The following ZNF341 variants were observed in gnomAD, a reference collection of about 807,000 sequenced individuals.
The protein encoded by ZNF341 is zinc finger protein 341.
ZNF341 carries 52 observed loss-of-function variants against 87.7 expected under a neutral mutation model. That is an observed-to-expected ratio of 0.59 (90% confidence interval 0.47 to 0.75). The LOEUF (loss-of-function observed/expected upper bound fraction) is 0.75, where lower values mean the gene tolerates loss of function less well. Ranked by LOEUF, ZNF341 falls within the 30% of genes least tolerant of loss-of-function variation. The pLI, the probability that ZNF341 is intolerant of heterozygous loss-of-function variation, is 0.00. For missense variants in ZNF341, 977 were observed against 1,145.9 expected, an observed-to-expected ratio of 0.85 and a Z score of 2.13; for synonymous variants, 459 against 472.7, an observed-to-expected ratio of 0.97 and a Z score of 0.38.
At chr20:33,788,482 G>A (rs983101136) in intron 12 of ZNF341, 4 of 260,578 alleles carry the variant, frequency 1.5e-5, no homozygotes, top group East Asian at 9.6e-5. Context: ...CCTCCCATGC[G>A]GACCTGGCTG....
intron 9 of ZNF341, among the ~76,000 whole-genome samples, chr20:33,768,281 C>A (rs2019452403): frequency 6.9e-6 from 1 of 145,984 alleles, no homozygotes; most frequent in Non-Finnish European, 1.5e-5. Context: ...CCCCACCACA[C>A]CCAGCTAATT....
rs367894759 is a variant in ZNF341, at chr20:33,749,015, C to T, written c.432C>T (p.Ala144=). The change falls in exon 4 of 15, where the codon GCC becomes GCT. Residue 144 remains alanine, a synonymous_variant. Coordinates refer to ENST00000375200, the MANE Select transcript of ZNF341 (RefSeq NM_001282933.2). ...ILVSDDVLMS[A]MSAFTSLDQP... is the part of the protein sequence containing the mutation. Reference sequence around the variant, plus strand: ...TGAGCGATGATGTGCTCATGTCTGCCATGTCAGCCTTCACATCCCTGGACC... The same window carrying T: ...TGAGCGATGATGTGCTCATGTCTGCTATGTCAGCCTTCACATCCCTGGACC... 33 of 1,614,080 alleles carry T rather than the reference C, an allele frequency of 2.0e-5. No individual in the cohort carries two copies. Among genetic ancestry groups the T allele is most frequent in the East Asian group, 2.0e-4 (9 of 44,890 alleles).
chr20:33,789,735 G>A (rs1031322677), intron 14 of ZNF341, 147 bp downstream of exon 14: 74 of 855,672 alleles, frequency 8.6e-5, no homozygotes, highest in Non-Finnish European at 1.3e-4. Context: ...ACTTATGTGG[G>A]CTATGAGCCA....
At chr20:33,738,027 C>T (rs528642238) in intron 1 of ZNF341, among the ~76,000 whole-genome samples, 16 of 151,702 alleles carry the variant, frequency 1.1e-4, no homozygotes, top group Non-Finnish European at 1.3e-4. Flanking sequence ...ATCCCAGCTA[C>T]TCGGGAGGCT....
At chr20:33,758,665 C>A in intron 6 of ZNF341, 51 bp from the exon 7 acceptor site, 1 of 1,486,462 alleles carries the variant, frequency 6.7e-7, no homozygotes, top group Non-Finnish European at 9.3e-7. Flanking sequence ...CCCTTGGTGC[C>A]CTGAGCTGCA....
At chr20:33,764,572 T>TATATATATACACA (rs2019366466) in intron 8 of ZNF341, among the ~76,000 whole-genome samples, 1 of 97,650 alleles carries the variant, frequency 1.0e-5, no homozygotes, top group East Asian at 3.8e-4. Context: ...TTTTTTTTTT[T>TATATATATACACA]TTTTTTTTTT....
In ZNF341 at chr20:33,783,873, C is replaced by G. The variant is rs773767643; in HGVS notation, c.1852+9C>G. 6.2e-7 allele frequency: 1 copy of G among 1,611,296 alleles called. No individual in the cohort carries two copies. Among genetic ancestry groups the G allele is most frequent in the Non-Finnish European group, 8.5e-7 (1 of 1,178,604 alleles). On this transcript the variant is annotated intron_variant, in intron 12 of 14. Coordinates refer to ENST00000375200, the MANE Select transcript of ZNF341 (RefSeq NM_001282933.2). ...TGCTCACATCCACTCGGGTAGGTACCCTGCCCCTGAGAACTCCAGCCCAGC... is the reference window on the plus strand; with the variant it reads ...TGCTCACATCCACTCGGGTAGGTACGCTGCCCCTGAGAACTCCAGCCCAGC...
At chr20:33,761,552 C>G (rs1255553925) in intron 7 of ZNF341, among the ~76,000 whole-genome samples, 1 of 152,210 alleles carries the variant, frequency 6.6e-6, no homozygotes, top group Non-Finnish European at 1.5e-5. Flanking sequence ...GCGTGAACTA[C>G]TGTGCCAGGC....
At chr20:33,750,921 G>A (rs766831436) in intron 4 of ZNF341, among the ~76,000 whole-genome samples, 5 of 151,994 alleles carry the variant, frequency 3.3e-5, no homozygotes, top group Admixed American at 6.6e-5. Context: ...GATTACAGGC[G>A]TGAGCCACCG....
chr20:33,732,124 C>T lies in ZNF341; in HGVS notation c.31+72C>T. 1 of 1,073,578 alleles carries T rather than the reference C, an allele frequency of 9.3e-7. No individual in the cohort carries two copies. The highest frequency in any genetic ancestry group is 1.1e-6 in the Non-Finnish European group (1 of 884,688). 66.5% of individuals were successfully genotyped at this position (1,073,578 alleles called of 1,614,324 possible). A position where few individuals can be genotyped will look rare whatever the true frequency, so the allele number is the denominator to read the frequency against. ...CCCTCCCGCCGCGCCCTCGCAGCGC[C>T]CGGCCTAGGGCGCGCAGCGGCCGCG... On this transcript the variant is annotated intron_variant, in intron 1 of 14. Transcript: ENST00000375200. The surrounding 1 kb of genome is among the most constrained non-coding windows in gnomAD (Gnocchi z 4.5).
rs974432739 is a variant in ZNF341, at chr20:33,737,315, ATTTATTT to A, written c.32-3569_32-3563del. On this transcript the variant is annotated intron_variant, in intron 1 of 14. Coordinates refer to ENST00000375200, the MANE Select transcript of ZNF341 (RefSeq NM_001282933.2). ...CTAGGTTTTTTATTTTTATTTATTT[ATTTATTT>A]TTTATTTTTTATTTTTTGAGACGTA... Among the ~76,000 whole-genome samples, 10 of 151,840 alleles carry A rather than the reference ATTTATTT, an allele frequency of 6.6e-5. No homozygotes were observed. The South Asian group carries it at 8.3e-4, about 13-fold the overall frequency.
intron 3 of ZNF341, among the ~76,000 whole-genome samples, chr20:33,746,344 CTG>C (rs1351253329): frequency 1.3e-5 from 2 of 150,986 alleles, no homozygotes; most frequent in African/African-American, 4.9e-5. Flanking sequence ...AGTGATTCTC[CTG>C]CCTCAGCCTC....
At chr20:33,764,836 T>C (rs1431062540) in intron 8 of ZNF341, among the ~76,000 whole-genome samples, 3 of 151,740 alleles carry the variant, frequency 2.0e-5, no homozygotes, top group African/African-American at 7.3e-5. Context: ...TTGTTTTGTT[T>C]TGTTTTTTAG....
At chr20:33,777,347 A>G (rs2019648792) in intron 10 of ZNF341, among the ~76,000 whole-genome samples, 1 of 148,392 alleles carries the variant, frequency 6.7e-6, no homozygotes, top group Non-Finnish European at 1.5e-5. Flanking sequence ...AAAAAAAAAA[A>G]AATCAGGCCA....
intron 14 of ZNF341, 90 bp from the exon 15 acceptor site, chr20:33,790,898 G>C: frequency 1.4e-6 from 2 of 1,444,684 alleles, no homozygotes; most frequent in Non-Finnish European, 1.9e-6. Flanking sequence ...GGTGCTGGTG[G>C]GGAAAGAGCC....
chr20:33,761,128 A>G (rs912982491), intron 7 of ZNF341, among the ~76,000 whole-genome samples: 3 of 151,888 alleles, frequency 2.0e-5, no homozygotes, highest in African/African-American at 7.2e-5. Context: ...CCAAAGTGCT[A>G]GAATTACATA....
chr20:33,760,032 G>A (rs114853523), intron 7 of ZNF341, among the ~76,000 whole-genome samples: 2,140 of 152,306 alleles, frequency 0.014, 54 homozygotes, highest in African/African-American at 0.048. Context: ...TTCCCTGGAG[G>A]GCAAAACTGG....
rs1394243806 is a variant in ZNF341, at chr20:33,745,279, C to T, written c.319C>T (p.Pro107Ser). 1 of 1,611,956 alleles carries T rather than the reference C, an allele frequency of 6.2e-7. No homozygotes were observed. Among genetic ancestry groups the T allele is most frequent in the Non-Finnish European group, 8.5e-7 (1 of 1,178,636 alleles). ...SAAPTAVQQA[P>S]TPANRQISTY... The stretch of plus-strand genomic sequence containing the variant: ...AGCACCCACAGCGGTCCAGCAGGCC[C>T]CAACTCCTGCCAATCGCCAGGTATT... The change falls in exon 3 of 15, where the codon CCA becomes TCA. Residue 107 changes from proline to serine, a missense_variant. By Grantham distance (74) the Pro-to-Ser change is moderately conservative. Transcript: ENST00000375200.
chr20:33,755,833 A>G (rs1473352161), intron 5 of ZNF341, among the ~76,000 whole-genome samples: 1 of 151,732 alleles, frequency 6.6e-6, no homozygotes, highest in East Asian at 2.0e-4. Context: ...TGCTCAAGTG[A>G]TCCTCCTTCC....
Sources: allele counts gnomAD v4.1 joint callset (sites outside exome capture counted in the v4.1 genomes callset), GRCh38; gene constraint gnomAD v4.1.1; non-coding constraint Gnocchi (gnomAD v3.1); transcripts MANE v1.5; gene names NCBI Gene and HGNC (gene_info 2026-07-23, HGNC 2026-07-21).